Variants in SUPT5H observed in about 807,000 individuals in gnomAD.
SUPT5H encodes transcription elongation factor SPT5.
A neutral mutation model predicts 142.5 loss-of-function variants in SUPT5H; 24 were observed. That is an observed-to-expected ratio of 0.17 (90% CI 0.12 to 0.24). The LOEUF is 0.24. Ranked by LOEUF, SUPT5H falls within the 10% of genes least tolerant of loss-of-function variation. The pLI, the probability that SUPT5H is intolerant of heterozygous loss-of-function variation, is 1.00. For synonymous variants in SUPT5H, 546 were observed against 553.0 expected, an observed-to-expected ratio of 0.99 and a Z score of 0.18; for missense variants, 893 against 1,471.8, an observed-to-expected ratio of 0.61 and a Z score of 6.43.
intron 10 of SUPT5H, among the ~76,000 whole-genome samples, chr19:39,463,612 G>A (rs530690880): frequency 3.9e-4 from 59 of 152,228 alleles, no homozygotes; most frequent in African/African-American, 9.9e-4. Context: ...TCCCATTTCC[G>A]CTTAATAAGT....
rs752984946 is a variant in SUPT5H, at chr19:39,466,695, G to A, written c.987G>A (p.Arg329=). ...CATAGAAAGACTGGTTTGCCAAAAG[G>A]AAGAAGTTTAAGCGGCCTCCACAGA... ...RMSLKDWFAK[R]KKFKRPPQRL... is the part of the protein sequence containing the mutation. Residue 329 remains arginine (R), a synonymous_variant, in exon 13 of 30, where the codon AGG becomes AGA. Coordinates refer to ENST00000432763, the MANE Select transcript of SUPT5H (RefSeq NM_001111020.3). The surrounding 1 kb of genome is among the most constrained non-coding windows in gnomAD (Gnocchi z 4.3). 24 of 1,614,230 alleles carry A rather than the reference G, an allele frequency of 1.5e-5. No homozygotes were observed. The highest frequency in any genetic ancestry group is 6.6e-5 in the South Asian group (6 of 91,086).
chr19:39,457,536 T>G, intron 3 of SUPT5H, 139 bp from the exon 4 acceptor site: 1 of 1,450,434 alleles, frequency 6.9e-7, no homozygotes, highest in Non-Finnish European at 9.3e-7. Flanking sequence ...CCCAGACGAG[T>G]GCCTCCCTGT....
In SUPT5H at chr19:39,469,355, A is replaced by T; in HGVS notation, c.1331A>T (p.Asp444Val). The T allele has an allele frequency of 6.2e-7, 1 of 1,614,218 alleles. No individual in the cohort carries two copies. The highest frequency in any genetic ancestry group is 1.1e-5 in the South Asian group (1 of 91,080). Reference sequence around the variant, plus strand: ...CTGCAGGGCAAGATCCTCAGCGTGGATGGCAACAAGATCACCATCATGCCC... The same window carrying T: ...CTGCAGGGCAAGATCCTCAGCGTGGTTGGCAACAAGATCACCATCATGCCC... ...INLQGKILSV[D>V]GNKITIMPKH... The change falls in exon 16 of 30, where the codon GAT becomes GTT. Residue 444 changes from aspartate to valine, a missense_variant. By Grantham distance (152) the Asp-to-Val change is radical. Transcript: ENST00000432763. The surrounding 1 kb of genome is among the most constrained non-coding windows in gnomAD (Gnocchi z 5.1).
At chr19:39,455,741 GC>G (rs2079079753) in intron 3 of SUPT5H, among the ~76,000 whole-genome samples, 1 of 150,302 alleles carries the variant, frequency 6.7e-6, no homozygotes. Flanking sequence ...TCCTGCCTCA[GC>G]TTCCCGAGTA....
At chr19:39,475,219 A>C (rs2079385649) in intron 28 of SUPT5H, 1 of 116,522 alleles carries the variant, frequency 8.6e-6, no homozygotes, top group African/African-American at 3.8e-5. Context: ...GTCTCTACTA[A>C]AAATACAAAA....
intron 3 of SUPT5H, among the ~76,000 whole-genome samples, chr19:39,456,407 TTTG>T (rs71169596): frequency 8.2e-5 from 12 of 147,160 alleles, no homozygotes; most frequent in South Asian, 4.3e-4. Flanking sequence ...ACTGTTTTTT[TTTG>T]TTGTTGTTGT....
At chr19:39,456,916 T>A (rs2079098370) in intron 3 of SUPT5H, among the ~76,000 whole-genome samples, 1 of 152,164 alleles carries the variant, frequency 6.6e-6, no homozygotes, top group Non-Finnish European at 1.5e-5. Context: ...AGTCACGGAG[T>A]TGCCTTTGGG....
chr19:39,469,057 C>T lies in SUPT5H; in HGVS notation c.1144-22C>T. 4 of 1,613,704 alleles carry T rather than the reference C, an allele frequency of 2.5e-6. No individual in the cohort carries two copies. Among genetic ancestry groups the T allele is most frequent in the Non-Finnish European group, 3.4e-6 (4 of 1,179,826 alleles). ...TGACCTCGGTCCATTTCCTTCTCTTCCCCTCACCGCTGGGGGCTTAGATCA... is the reference window on the plus strand; with the variant it reads ...TGACCTCGGTCCATTTCCTTCTCTTTCCCTCACCGCTGGGGGCTTAGATCA... On this transcript the variant is annotated intron_variant, in intron 14 of 29. Coordinates refer to ENST00000432763, the MANE Select transcript of SUPT5H (RefSeq NM_001111020.3). This position sits in a 1 kb window ranked among gnomAD's most constrained non-coding sequence, Gnocchi z 5.1.
At position 39,445,978 on chromosome 19, in the gene SUPT5H, G is replaced by C. The variant is rs758390991; in HGVS notation, c.75+13G>C. On this transcript the variant is annotated intron_variant, in intron 2 of 29. Transcript: ENST00000432763. Reference sequence around the variant, plus strand: ...CGAGGAGGCCGAGGTCTGTGGCTGGGGCGCTGGGGGAGACATTGCGTCTGG... The same window carrying C: ...CGAGGAGGCCGAGGTCTGTGGCTGGCGCGCTGGGGGAGACATTGCGTCTGG... 1.1e-5 allele frequency: 18 copies of C among 1,609,618 alleles called. No homozygotes were observed. Among genetic ancestry groups the C allele is most frequent in the Non-Finnish European group, 1.4e-5 (16 of 1,179,220 alleles).
chr19:39,453,440 TACG>T lies in SUPT5H; in HGVS notation c.162_164del (p.Asp55del), dbSNP rs1321499335. 1.3e-6 allele frequency: 2 copies of T among 1,567,134 alleles called. No individual in the cohort carries two copies. The highest frequency in any genetic ancestry group is 2.7e-5 in the African/African-American group (2 of 73,106). The stretch of plus-strand genomic sequence containing the variant: ...AGAGGAGGAGGAAGAGGAGGAGGAA[TACG>T]ATGAGGAAGAGGAGGAAGAAGATGA... On this transcript the variant is annotated inframe_deletion, in exon 3 of 30. Transcript: ENST00000432763.
chr19:39,464,521 A>T (rs928345836), intron 10 of SUPT5H, among the ~76,000 whole-genome samples: 1 of 152,132 alleles, frequency 6.6e-6, no homozygotes, highest in Admixed American at 6.5e-5. Flanking sequence ...CATCACACCC[A>T]GCTAGTTTTT....
At chr19:39,453,318 C>T in intron 2 of SUPT5H, 38 bp from the exon 3 acceptor site, 1 of 1,546,072 alleles carries the variant, frequency 6.5e-7, no homozygotes, top group Non-Finnish European at 8.7e-7. Flanking sequence ...TTTGGGGTAG[C>T]AGAATTCTGG....
At chr19:39,446,058 G>C (rs2146061850) in intron 2 of SUPT5H, 93 bp downstream of exon 2, 1 of 1,349,100 alleles carries the variant, frequency 7.4e-7, no homozygotes, top group Non-Finnish European at 1.0e-6. Flanking sequence ...GTTCACAGCG[G>C]GCTCTGGCTT....
At chr19:39,461,311 G>A (rs1039507694) in intron 10 of SUPT5H, among the ~76,000 whole-genome samples, 5 of 151,734 alleles carry the variant, frequency 3.3e-5, no homozygotes, top group African/African-American at 1.2e-4. Context: ...GGGGTGGAAT[G>A]TCTTCCTCAT....
intron 18 of SUPT5H, 127 bp from the exon 19 acceptor site, chr19:39,471,230 A>C: frequency 2.5e-5 from 28 of 1,123,712 alleles, no homozygotes; most frequent in African/African-American, 4.6e-5. Flanking sequence ...CAGCCAGGGA[A>C]TTGAGATGCC....
At chr19:39,453,702 C>G (rs1056261090) in intron 3 of SUPT5H, among the ~76,000 whole-genome samples, 181 bp downstream of exon 3, 6 of 152,168 alleles carry the variant, frequency 3.9e-5, no homozygotes, top group Admixed American at 6.5e-5. Flanking sequence ...ATAGCTGGGA[C>G]TACAGGCGCC....
At chr19:39,463,833 G>T (rs966260911) in intron 10 of SUPT5H, among the ~76,000 whole-genome samples, 5 of 152,072 alleles carry the variant, frequency 3.3e-5, no homozygotes, top group Non-Finnish European at 7.4e-5. Context: ...TTGAGGCTCT[G>T]TTAGTTTCAT....
At chr19:39,459,709 C>A in intron 9 of SUPT5H, 120 bp downstream of exon 9, 3 of 1,377,106 alleles carry the variant, frequency 2.2e-6, no homozygotes, top group Non-Finnish European at 3.1e-6. Flanking sequence ...GTCCTTCTGT[C>A]TCCATCCCTC....
At chr19:39,462,839 C>CTTTTTTT (rs71169597) in intron 10 of SUPT5H, among the ~76,000 whole-genome samples, 1 of 110,352 alleles carries the variant, frequency 9.1e-6, no homozygotes. Context: ...CCTTAATTTT[C>CTTTTTTT]TTTTTTTTTT....
Sources: gnomAD v4.1 joint callset for allele counts (sites outside exome capture counted in the v4.1 genomes callset) on GRCh38, gnomAD v4.1.1 for gene constraint, Gnocchi (gnomAD v3.1) non-coding constraint, MANE v1.5 for transcripts, NCBI Gene and HGNC (gene_info 2026-07-23, HGNC 2026-07-21) for gene names.